Variants in PDZRN3 observed in about 807,000 individuals in gnomAD.
PDZRN3 encodes PDZ domain containing ring finger 3.
PDZRN3 carries 38 observed loss-of-function variants against 85.7 expected under a neutral mutation model. The observed-to-expected ratio is 0.44, with a 90% confidence interval of 0.34 to 0.58. PDZRN3 has a LOEUF of 0.58. Among genes scored for constraint, PDZRN3 ranks in the 20% least tolerant of loss-of-function variants. The pLI is 0.01. For synonymous variants in PDZRN3, 759 were observed against 638.0 expected (o/e 1.19, Z -2.86); for missense variants, 1,629 against 1,506.4 (o/e 1.08, Z -1.35).
intron 3 of PDZRN3, among the ~76,000 whole-genome samples, chr3:73,465,002 C>T (rs1173903823): frequency 6.6e-6 from 1 of 152,216 alleles, no homozygotes; most frequent in Non-Finnish European, 1.5e-5. Context: ...CTTTGACCAA[C>T]GTCTTCCCAA....
chr3:73,453,405 AAAAAAAAAAAAAAAAAAAC>A (rs1702909140), intron 3 of PDZRN3, among the ~76,000 whole-genome samples: 1 of 96,796 alleles, frequency 1.0e-5, no homozygotes. Context: ...ACTTCGTCTC[AAAAAAAAAAAAAAAAAAAC>A]AAAAAAAAAA....
chr3:73,387,841 G>T, intron 8 of PDZRN3, 127 bp downstream of exon 8: 1 of 608,334 alleles, frequency 1.6e-6, no homozygotes, highest in South Asian at 2.4e-5. Context: ...CAGCAAGTTT[G>T]ATTACATTTC....
chr3:73,442,697 A>ATT (rs56095919), intron 3 of PDZRN3, among the ~76,000 whole-genome samples: 12,693 of 146,570 alleles, frequency 0.087, 585 homozygotes, highest in Middle Eastern at 0.19. Context: ...AAATGTGTGG[A>ATT]TTTTTTTTTT....
At chr3:73,604,479 A>T (rs1306444818) in intron 2 of PDZRN3, among the ~76,000 whole-genome samples, 1 of 152,230 alleles carries the variant, frequency 6.6e-6, no homozygotes, top group East Asian at 1.9e-4. Flanking sequence ...TTTCAAACTG[A>T]GGCGAAGCGG....
At chr3:73,460,704 A>T (rs1703085792) in intron 3 of PDZRN3, among the ~76,000 whole-genome samples, 1 of 152,256 alleles carries the variant, frequency 6.6e-6, no homozygotes, top group South Asian at 2.1e-4. Flanking sequence ...AAGAACAAAG[A>T]AACAAATTAA....
chr3:73,448,590 G>GT lies in PDZRN3; in HGVS notation c.919-44196dup, dbSNP rs532121494. Reference sequence around the variant, plus strand: ...AGAGCTAAACACTAATCTCAATCTTGTTTTTTTTTCCTGGGGACTAAGCTG... The same window carrying GT: ...AGAGCTAAACACTAATCTCAATCTTGTTTTTTTTTTCCTGGGGACTAAGCTG... On this transcript the variant is annotated intron_variant, in intron 3 of 9. Transcript: ENST00000263666. Among the ~76,000 whole-genome samples, 20 of 150,984 alleles carry GT rather than the reference G, an allele frequency of 1.3e-4. No homozygotes were observed. The East Asian group carries it at 1.8e-3, about 13-fold the overall frequency.
chr3:73,468,205 C>T (rs1456567767), intron 3 of PDZRN3, among the ~76,000 whole-genome samples: 2 of 152,044 alleles, frequency 1.3e-5, no homozygotes, highest in Non-Finnish European at 2.9e-5. Flanking sequence ...AGAGATGGCA[C>T]ACTGTTGGCT....
chr3:73,476,297 T>A (rs1230971619), intron 3 of PDZRN3, among the ~76,000 whole-genome samples: 1 of 152,114 alleles, frequency 6.6e-6, no homozygotes, highest in East Asian at 1.9e-4. Flanking sequence ...AGCTGGCACA[T>A]CTTCACCTGG....
rs936209044 is a variant in PDZRN3, at chr3:73,597,768, A to G, written c.918+4586T>C. ...AAAAAAAAAAAAAAAAGATGAAGAGAGAAATAATATATTGAACAGCACATG... is the reference window on the plus strand; with the variant it reads ...AAAAAAAAAAAAAAAAGATGAAGAGGGAAATAATATATTGAACAGCACATG... On this transcript the variant is annotated intron_variant, in intron 3 of 9. Coordinates refer to ENST00000263666, the MANE Select transcript of PDZRN3 (RefSeq NM_015009.3). 3.5e-4 allele frequency among the ~76,000 whole-genome samples: 53 copies of G among 150,782 alleles called. 1 individual carries two copies. Among genetic ancestry groups the G allele is most frequent in the African/African-American group, 1.1e-3 (44 of 41,132 alleles).
intron 3 of PDZRN3, among the ~76,000 whole-genome samples, chr3:73,407,629 T>G (rs1701880640): frequency 6.6e-6 from 1 of 152,190 alleles, no homozygotes. Flanking sequence ...CTGATTAGGA[T>G]TACATCTTAG....
At chr3:73,431,016 C>A (rs1575649312) in intron 3 of PDZRN3, among the ~76,000 whole-genome samples, 1 of 152,164 alleles carries the variant, frequency 6.6e-6, no homozygotes, top group African/African-American at 2.4e-5. Context: ...ACCCCCACCA[C>A]CTGGACACCA....
chr3:73,607,290 C>T (rs896772426), intron 2 of PDZRN3, among the ~76,000 whole-genome samples: 1 of 152,172 alleles, frequency 6.6e-6, no homozygotes, highest in Non-Finnish European at 1.5e-5. Context: ...TTATAAGGCA[C>T]ATAATGTATT....
intron 3 of PDZRN3, among the ~76,000 whole-genome samples, chr3:73,524,872 G>A (rs535239135): frequency 1.0e-3 from 154 of 151,778 alleles, no homozygotes; most frequent in South Asian, 8.3e-3. Context: ...GGAGATCTAT[G>A]ATTTTCATAT....
chr3:73,447,305 C>T (rs752196111), intron 3 of PDZRN3, among the ~76,000 whole-genome samples: 3 of 151,902 alleles, frequency 2.0e-5, no homozygotes, highest in Admixed American at 6.6e-5. Context: ...CTCTCCCAGA[C>T]CTCCATCCCT....
At chr3:73,579,061 T>A (rs891657180) in intron 3 of PDZRN3, among the ~76,000 whole-genome samples, 1 of 152,168 alleles carries the variant, frequency 6.6e-6, no homozygotes, top group Admixed American at 6.5e-5. Flanking sequence ...TATGTTGGAC[T>A]CTAATACCCA....
chr3:73,599,649 G>T (rs1702481430), intron 3 of PDZRN3, among the ~76,000 whole-genome samples: 1 of 152,222 alleles, frequency 6.6e-6, no homozygotes, highest in Non-Finnish European at 1.5e-5. Context: ...TTCAAGAAAT[G>T]CAACTCTTGT....
At chr3:73,621,034 G>T (rs1055295579) in intron 1 of PDZRN3, among the ~76,000 whole-genome samples, 1 of 152,230 alleles carries the variant, frequency 6.6e-6, no homozygotes, top group South Asian at 2.1e-4. Flanking sequence ...GCTACTTAAA[G>T]GACCAGCATC....
At chr3:73,397,191 G>A (rs113110191) in intron 5 of PDZRN3, among the ~76,000 whole-genome samples, 22 of 152,036 alleles carry the variant, frequency 1.4e-4, no homozygotes, top group African/African-American at 5.1e-4. Flanking sequence ...GAGCCACTGC[G>A]TCTGGCCAGA....
At chr3:73,606,860 G>A (rs1244722637) in intron 2 of PDZRN3, among the ~76,000 whole-genome samples, 3 of 152,200 alleles carry the variant, frequency 2.0e-5, no homozygotes, top group Middle Eastern at 3.2e-3. Flanking sequence ...AAAGCAAAGG[G>A]AATTTAATCA....
Sources: allele counts gnomAD v4.1 joint callset (sites outside exome capture counted in the v4.1 genomes callset), GRCh38; gene constraint gnomAD v4.1.1; transcripts MANE v1.5; gene names NCBI Gene and HGNC (gene_info 2026-07-23, HGNC 2026-07-21).